SYCP1: variants seen among roughly 807,000 people sequenced by gnomAD.
SYCP1 encodes the protein cancer/testis antigen 8.
Under a neutral mutation model 153.1 loss-of-function variants are expected in SYCP1, and 64 were observed. The observed-to-expected ratio is 0.42, with a 90% CI of 0.34 to 0.51. The LOEUF (loss-of-function observed/expected upper bound fraction) is 0.51. SYCP1 is among the 20% of genes least tolerant of loss of function. The pLI, the probability that SYCP1 is intolerant of heterozygous loss-of-function variation, is 0.06. For synonymous variants in SYCP1, 384 were observed against 341.8 expected (o/e 1.12, Z -1.36); for missense variants, 997 against 1,049.0 (o/e 0.95, Z 0.68).
chr1:114,879,431 C>T (rs1305323445), intron 12 of SYCP1, among the ~76,000 whole-genome samples: 3 of 152,138 alleles, frequency 2.0e-5, no homozygotes, highest in Non-Finnish European at 4.4e-5. Flanking sequence ...TGTGCTCTTT[C>T]AATCCCACCC....
intron 6 of SYCP1, among the ~76,000 whole-genome samples, 190 bp downstream of exon 6, chr1:114,858,901 T>C (rs1664191027): frequency 6.6e-6 from 1 of 152,198 alleles, no homozygotes; most frequent in Non-Finnish European, 1.5e-5. Flanking sequence ...AGAGGACAAG[T>C]TGTATAACGC....
chr1:114,883,531 T>G (rs1029352999), intron 12 of SYCP1, among the ~76,000 whole-genome samples: 4 of 152,242 alleles, frequency 2.6e-5, no homozygotes, highest in Non-Finnish European at 5.9e-5. Flanking sequence ...TTCCATTTTC[T>G]AGGCTCCTGG....
Position 114,994,786 on chromosome 1 carries a change from A to T in SYCP1, c.2792A>T (p.Lys931Met), listed in dbSNP as rs1674167183. 6.3e-7 allele frequency: 1 copy of T among 1,587,284 alleles called. No individual in the cohort carries two copies. Among genetic ancestry groups the T allele is most frequent in the South Asian group, 1.2e-5 (1 of 85,450 alleles). ...CATCTTTGTGTCAAAACACCAAAAA[A>T]GGTAGCTTTTAAATTTTATTTCAGA... ...ASHLCVKTPK[K>M]APSSLTTPGS... is the part of the protein sequence containing the mutation. The change falls in exon 31 of 32, where the codon AAG becomes ATG. Residue 931 changes from lysine (K) to methionine (M), a missense_variant and splice_region_variant. By Grantham distance (95) the Lys-to-Met change is moderately conservative. Coordinates refer to ENST00000369522, the MANE Select transcript of SYCP1 (RefSeq NM_003176.4).
At chr1:114,938,621 T>C (rs1250406348) in intron 23 of SYCP1, among the ~76,000 whole-genome samples, 1 of 151,464 alleles carries the variant, frequency 6.6e-6, no homozygotes, top group East Asian at 1.9e-4. Context: ...AAAGAATGAG[T>C]GGAAACTATA....
At chr1:114,934,046 A>G (rs1393215788) in intron 23 of SYCP1, among the ~76,000 whole-genome samples, 1 of 152,224 alleles carries the variant, frequency 6.6e-6, no homozygotes, top group African/African-American at 2.4e-5. Context: ...ATTCAAATTC[A>G]GGAAATACAG....
At chr1:114,940,632 C>T (rs1026259561) in intron 23 of SYCP1, among the ~76,000 whole-genome samples, 2 of 152,150 alleles carry the variant, frequency 1.3e-5, no homozygotes, top group African/African-American at 2.4e-5. Context: ...CTAGAGAGCA[C>T]ACTCTGGTAT....
intron 23 of SYCP1, among the ~76,000 whole-genome samples, chr1:114,936,615 C>A (rs1380267838): frequency 1.3e-5 from 2 of 152,148 alleles, no homozygotes; most frequent in African/African-American, 4.8e-5. Context: ...GTCTAATTGT[C>A]CCTGTTTGCA....
intron 20 of SYCP1, among the ~76,000 whole-genome samples, chr1:114,917,407 A>T (rs1668576163): frequency 6.6e-6 from 1 of 152,180 alleles, no homozygotes; most frequent in African/African-American, 2.4e-5. Flanking sequence ...GGACACTTAC[A>T]TAGCTTCCAA....
At chr1:114,984,987 A>G (rs1487494198) in intron 30 of SYCP1, 119 bp downstream of exon 30, 4 of 431,240 alleles carry the variant, frequency 9.3e-6, no homozygotes, top group Non-Finnish European at 1.4e-5. Context: ...ACTGATATAC[A>G]GTGGAGCTCT....
At chr1:114,928,563 A>ATAG (rs1669411915) in intron 23 of SYCP1, among the ~76,000 whole-genome samples, 1 of 152,204 alleles carries the variant, frequency 6.6e-6, no homozygotes, top group African/African-American at 2.4e-5. Context: ...AGCACTGGAA[A>ATAG]TAGTAAATAT....
At chr1:114,991,802 A>G (rs188281908) in intron 30 of SYCP1, among the ~76,000 whole-genome samples, 22 of 151,938 alleles carry the variant, frequency 1.4e-4, no homozygotes, top group Admixed American at 8.5e-4. Flanking sequence ...AATTCTAACT[A>G]GAGATACTAT....
At chr1:114,993,282 A>T (rs1218179721) in intron 30 of SYCP1, among the ~76,000 whole-genome samples, 5 of 151,546 alleles carry the variant, frequency 3.3e-5, no homozygotes, top group Non-Finnish European at 3.0e-5. Flanking sequence ...AATTCTGTTG[A>T]AATCTTAGAT....
intron 23 of SYCP1, among the ~76,000 whole-genome samples, chr1:114,935,098 A>G (rs1298020280): frequency 1.3e-5 from 2 of 152,184 alleles, no homozygotes; most frequent in Non-Finnish European, 2.9e-5. Context: ...AATCAACAGA[A>G]TGTACATTAT....
intron 23 of SYCP1, among the ~76,000 whole-genome samples, chr1:114,943,901 C>A (rs1369135379): frequency 6.6e-6 from 1 of 151,778 alleles, no homozygotes; most frequent in African/African-American, 2.4e-5. Context: ...ATCTACACAA[C>A]TCAGTAAATA....
intron 25 of SYCP1, 29 bp downstream of exon 25, chr1:114,945,011 A>G (rs953302681): frequency 2.1e-6 from 3 of 1,422,858 alleles, no homozygotes; most frequent in Non-Finnish European, 2.9e-6. Flanking sequence ...TATAATGAAA[A>G]TTATTAATTG....
chr1:114,976,682 AT>A (rs1191568861), intron 27 of SYCP1, among the ~76,000 whole-genome samples: 1 of 151,812 alleles, frequency 6.6e-6, no homozygotes, highest in African/African-American at 2.4e-5. Context: ...AATTGTCACT[AT>A]AACTGAAGAT....
chr1:114,947,031 G>A (rs1225138458), intron 26 of SYCP1, among the ~76,000 whole-genome samples: 1 of 152,172 alleles, frequency 6.6e-6, no homozygotes, highest in African/African-American at 2.4e-5. Flanking sequence ...TTACAGGCAT[G>A]AGCCACTGCA....
chr1:114,995,010 ATTTG>A lies in SYCP1; in HGVS notation c.2926_2929del (p.Val976AsnfsTer7). On this transcript the variant is annotated frameshift_variant, in exon 32 of 32. Coordinates refer to ENST00000369522, the MANE Select transcript of SYCP1 (RefSeq NM_003176.4). LOFTEE classifies it high-confidence loss of function. ...AAAAACTAAAAGAAGCTGAAAAGTTATTTGTTTAATTTCAGAGAATCAGTGTAGT... is the reference window on the plus strand; with the variant it reads ...AAAAACTAAAAGAAGCTGAAAAGTTATTTAATTTCAGAGAATCAGTGTAGT... The A allele has an allele frequency of 1.3e-6, 2 of 1,597,460 alleles. No homozygotes were observed. The highest frequency in any genetic ancestry group is 1.7e-6 in the Non-Finnish European group (2 of 1,173,490).
chr1:114,857,531 G>A, intron 5 of SYCP1, 34 bp downstream of exon 5: 1 of 1,491,884 alleles, frequency 6.7e-7, no homozygotes, highest in East Asian at 2.3e-5. Context: ...TAAATTTCTT[G>A]TAATTGGAAT....
Sources: allele counts gnomAD v4.1 joint callset (sites outside exome capture counted in the v4.1 genomes callset), GRCh38; gene constraint gnomAD v4.1.1; transcripts MANE v1.5; gene names NCBI Gene and HGNC (gene_info 2026-07-23, HGNC 2026-07-21).